The following SSUH2 variants were observed in gnomAD, a reference collection of about 807,000 sequenced individuals.
The protein encoded by SSUH2 is ssu-2 homolog, also known as protein SSUH2 homolog.
SSUH2 carries 47 observed loss-of-function variants against 55.3 expected under a neutral mutation model. The ratio of observed to expected loss-of-function variants is 0.85; its 90% CI spans 0.67 to 1.08. The LOEUF is 1.08. Among genes scored for constraint, SSUH2 ranks in the 50% least tolerant of loss-of-function variants. SSUH2 has a pLI of 0.00. For missense variants in SSUH2, 535 were observed against 490.7 expected (o/e 1.09, Z -0.85); for synonymous variants, 212 against 191.5 (o/e 1.11, Z -0.89).
At chr3:8,645,876 C>T (rs964400670), upstream of SSUH2, among the ~76,000 whole-genome samples, 2 of 152,156 alleles carry the variant, frequency 1.3e-5, no homozygotes, top group Non-Finnish European at 2.9e-5. Context: ...TGCCCATCGC[C>T]GACAGCATGC....
intron 2 of SSUH2, among the ~76,000 whole-genome samples, chr3:8,679,541 A>G (rs1476280562): frequency 1.6e-5 from 2 of 127,458 alleles, no homozygotes; most frequent in Admixed American, 7.9e-5. Context: ...AGGCACCCTC[A>G]GCGAGGCAGG....
chr3:8,660,299 G>T (rs1316446684), intron 6 of SSUH2, among the ~76,000 whole-genome samples: 6 of 152,152 alleles, frequency 3.9e-5, no homozygotes, highest in African/African-American at 1.2e-4. Flanking sequence ...GAAAAGAGCA[G>T]CCCAAGGCAA....
In SSUH2 at chr3:8,642,527, G is replaced by A. The variant is rs980980807; in HGVS notation, c.28+2204C>T. ...AAGTGGTCCAGCCAAAGTAGGAGAT[G>A]CTGCCCTGGTCAGGGATGCTGTAGA... On this transcript the variant is annotated intron_variant, in intron 1 of 11. Transcript: ENST00000544814. Among the ~76,000 whole-genome samples, 4 of 152,234 alleles carry A rather than the reference G, an allele frequency of 2.6e-5. No individual in the cohort carries two copies. The South Asian group carries it at 6.2e-4, about 24-fold the overall frequency.
intron 10 of SSUH2, among the ~76,000 whole-genome samples, chr3:8,625,216 G>C (rs1402684421): frequency 6.6e-6 from 1 of 151,868 alleles, no homozygotes; most frequent in Non-Finnish European, 1.5e-5. Flanking sequence ...GAAGGAAGGA[G>C]GGGATGAGGA....
At chr3:8,678,955 G>A (rs1359815387) in intron 2 of SSUH2, among the ~76,000 whole-genome samples, 67 of 95,232 alleles carry the variant, frequency 7.0e-4, no homozygotes, top group East Asian at 2.2e-3. Flanking sequence ...CCTGGCTCTT[G>A]GGACGCCCAT....
intron 7 of SSUH2, among the ~76,000 whole-genome samples, chr3:8,628,539 G>A (rs1698075730): frequency 6.6e-6 from 1 of 152,232 alleles, no homozygotes; most frequent in South Asian, 2.1e-4. Context: ...GATAGTCTTT[G>A]CAAATGCATT....
rs548273004 is a variant in SSUH2 at position 8,675,916 on chromosome 3, G to A, written c.-753+1290C>T. ...CTGGACTTTTAACCCAAACTGTGGGGCCCTAGCTGAGGCCAGTGGCCTACC... is the reference window on the plus strand; with the variant it reads ...CTGGACTTTTAACCCAAACTGTGGGACCCTAGCTGAGGCCAGTGGCCTACC... On this transcript the variant is annotated intron_variant, in intron 3 of 18. Transcript: ENST00000317371. Among the ~76,000 whole-genome samples the A allele has an allele frequency of 2.0e-3, 299 of 152,218 alleles. 2 individuals carry two copies. The highest frequency in any genetic ancestry group is 7.0e-3 in the African/African-American group (289 of 41,552).
intron 2 of SSUH2, among the ~76,000 whole-genome samples, chr3:8,678,613 TC>T (rs1190074728): frequency 1.4e-5 from 1 of 74,006 alleles, no homozygotes; most frequent in Non-Finnish European, 2.9e-5. Context: ...AGCCAGCCCT[TC>T]TTCCCCCCCG....
intron 6 of SSUH2, 111 bp downstream of exon 6, chr3:8,630,694 G>T: frequency 9.7e-7 from 1 of 1,029,716 alleles, no homozygotes; most frequent in Non-Finnish European, 1.3e-6. Context: ...TGAAGCACCG[G>T]CCTGAATTTT....
chr3:8,631,731 G>C (rs1175932093), intron 5 of SSUH2, among the ~76,000 whole-genome samples: 1 of 152,024 alleles, frequency 6.6e-6, no homozygotes, highest in African/African-American at 2.4e-5. Flanking sequence ...GTGGCATGAG[G>C]GGGTGTAGGT....
At chr3:8,677,938 T>A (rs951291873) in intron 2 of SSUH2, among the ~76,000 whole-genome samples, 1 of 150,960 alleles carries the variant, frequency 6.6e-6, no homozygotes, top group African/African-American at 2.4e-5. Context: ...CAGACGGATG[T>A]ACACCCGTCT....
At chr3:8,643,577 T>C (rs1701221617) in intron 1 of SSUH2, among the ~76,000 whole-genome samples, 1 of 152,224 alleles carries the variant, frequency 6.6e-6, no homozygotes, top group Non-Finnish European at 1.5e-5. Flanking sequence ...AAAATTTAAA[T>C]TGAGCTCTCT....
In SSUH2 at chr3:8,681,678, C is replaced by CT. The variant is rs1280384607; in HGVS notation, c.-1046+212dup. Among the ~76,000 whole-genome samples the CT allele has an allele frequency of 3.5e-4, 53 of 149,574 alleles. 2 individuals are homozygous for CT. Among genetic ancestry groups the CT allele is most frequent in the Middle Eastern group, 3.5e-3 (1 of 282 alleles). On this transcript the variant is annotated intron_variant, in intron 1 of 18. Transcript: ENST00000317371. Reference sequence around the variant, plus strand: ...CGATGGGGACTGAAAGTCAGCCCCTCTTCCCCCCGGCTCTTAGGACCCCCA... The same window carrying CT: ...CGATGGGGACTGAAAGTCAGCCCCTCTTTCCCCCCGGCTCTTAGGACCCCCA...
At chr3:8,653,159 A>G (rs532104598) in intron 7 of SSUH2, among the ~76,000 whole-genome samples, 1 of 152,182 alleles carries the variant, frequency 6.6e-6, no homozygotes, top group Non-Finnish European at 1.5e-5. Flanking sequence ...AAACCTGGTC[A>G]TCCATCTGGC....
At chr3:8,645,590 T>G (rs556644844), upstream of SSUH2, among the ~76,000 whole-genome samples, 1 of 152,264 alleles carries the variant, frequency 6.6e-6, no homozygotes, top group East Asian at 1.9e-4. Context: ...TCCTTGGCAA[T>G]CACTCCTCTG....
At chr3:8,654,635 G>C (rs1702749121) in intron 7 of SSUH2, among the ~76,000 whole-genome samples, 1 of 152,180 alleles carries the variant, frequency 6.6e-6, no homozygotes, top group Non-Finnish European at 1.5e-5. Flanking sequence ...CGGAGCTCCA[G>C]GGAAAATATA....
chr3:8,633,322 T>C (rs1699221857), intron 4 of SSUH2, among the ~76,000 whole-genome samples: 1 of 152,036 alleles, frequency 6.6e-6, no homozygotes, highest in Non-Finnish European at 1.5e-5. Context: ...TTTTGTATTT[T>C]TAGTACAGAT....
chr3:8,633,182 T>G (rs949792400), intron 4 of SSUH2, among the ~76,000 whole-genome samples: 1 of 149,914 alleles, frequency 6.7e-6, no homozygotes, highest in South Asian at 2.1e-4. Context: ...TCGTTCTTGT[T>G]GCCCAGGCTG....
intron 3 of SSUH2, among the ~76,000 whole-genome samples, chr3:8,676,787 G>C (rs1471702115): frequency 6.8e-6 from 1 of 147,790 alleles, no homozygotes; most frequent in African/African-American, 2.6e-5. Context: ...CATCGCAGTG[G>C]GGGGAGGCAC....
Sources: allele counts gnomAD v4.1 joint callset (sites outside exome capture counted in the v4.1 genomes callset), GRCh38; gene constraint gnomAD v4.1.1; transcripts MANE v1.5; gene names NCBI Gene and HGNC (gene_info 2026-07-23, HGNC 2026-07-21).